The following NUSAP1 variants were observed in gnomAD, a reference collection of about 807,000 sequenced individuals.
NUSAP1 encodes nucleolar and spindle-associated protein 1.
A neutral mutation model predicts 52.8 loss-of-function variants in NUSAP1; 32 were observed. The ratio of observed to expected loss-of-function variants is 0.61; its 90% CI spans 0.46 to 0.81. The LOEUF is 0.81. Ranked by LOEUF, NUSAP1 falls within the 40% of genes least tolerant of loss-of-function variation. The pLI is 0.00. For missense variants in NUSAP1, 499 were observed against 522.3 expected (o/e 0.96, Z 0.43); for synonymous variants, 195 against 183.1 (o/e 1.06, Z -0.52).
chr15:41,358,733 CA>C (rs916998235), intron 6 of NUSAP1, among the ~76,000 whole-genome samples: 1 of 150,240 alleles, frequency 6.7e-6, no homozygotes, highest in Non-Finnish European at 1.5e-5. Context: ...GACTCCGTCT[CA>C]AAAAAAAAGA....
chr15:41,372,966 T>G (rs1277660595), intron 8 of NUSAP1, among the ~76,000 whole-genome samples: 1 of 151,622 alleles, frequency 6.6e-6, no homozygotes, highest in Non-Finnish European at 1.5e-5. Flanking sequence ...CATGCACCTA[T>G]CATCCCAACT....
At chr15:41,379,958 C>T (rs912687393) in intron 10 of NUSAP1, 135 bp from the exon 11 acceptor site, 3 of 613,438 alleles carry the variant, frequency 4.9e-6, no homozygotes, top group Admixed American at 6.1e-5. Context: ...AGCACAGTGC[C>T]CTCTAAGAGT....
intron 10 of NUSAP1, 63 bp from the exon 11 acceptor site, chr15:41,380,030 G>C: frequency 8.2e-7 from 1 of 1,217,580 alleles, no homozygotes; most frequent in Admixed American, 2.5e-5. Context: ...TCCAACAATA[G>C]TTGCTTTAAA....
At position 41,336,277 on chromosome 15, in the gene NUSAP1, T is replaced by C. The variant is rs1339926669; in HGVS notation, c.93+3227T>C. 5.3e-5 allele frequency among the ~76,000 whole-genome samples: 8 copies of C among 149,994 alleles called. No homozygotes were observed. In the Admixed American group the frequency reaches 5.3e-4, roughly 10 times the overall value. On this transcript the variant is annotated intron_variant, in intron 1 of 10. Transcript: ENST00000559596. ...GCGAAACTCCGTCTAAAAATAATAA[T>C]AATAATAATAATAATAATAAATATA...
chr15:41,340,589 A>G (rs1236164004), intron 1 of NUSAP1, among the ~76,000 whole-genome samples: 4 of 152,118 alleles, frequency 2.6e-5, no homozygotes, highest in South Asian at 2.1e-4. Flanking sequence ...ACACCACCTC[A>G]TATCATTCAA....
chr15:41,356,018 T>C, intron 4 of NUSAP1, 21 bp from the exon 5 acceptor site: 2 of 1,462,462 alleles, frequency 1.4e-6, no homozygotes, highest in Non-Finnish European at 1.9e-6. Context: ...TCCTTCATTA[T>C]TTCTGTGTCT....
chr15:41,377,364 G>A lies in NUSAP1; in HGVS notation c.1232+60G>A, dbSNP rs1439462666. On this transcript the variant is annotated intron_variant, in intron 10 of 10. Coordinates refer to ENST00000559596, the MANE Select transcript of NUSAP1 (RefSeq NM_016359.5). ...TAATTTCAAAAGCAGCACCTCTGAG[G>A]GATAGGGGCTCAGTAATAGTGGTGT... 18 of 874,862 alleles carry A rather than the reference G, an allele frequency of 2.1e-5. 1 individual carries two copies. In the Admixed American group the frequency reaches 3.1e-4, roughly 15 times the overall value. 54.2% of individuals were successfully genotyped at this position (874,862 alleles called of 1,614,324 possible). A position where few individuals can be genotyped will look rare whatever the true frequency, so the allele number is the denominator to read the frequency against.
chr15:41,338,328 T>A (rs2048245931), intron 1 of NUSAP1, among the ~76,000 whole-genome samples: 1 of 152,112 alleles, frequency 6.6e-6, no homozygotes, highest in Non-Finnish European at 1.5e-5. Flanking sequence ...CTGACTCGTG[T>A]ATTTAAGTGC....
At chr15:41,369,199 T>G (rs1247552404) in intron 7 of NUSAP1, among the ~76,000 whole-genome samples, 3 of 152,146 alleles carry the variant, frequency 2.0e-5, no homozygotes, top group Non-Finnish European at 4.4e-5. Context: ...GTGTGAACCA[T>G]CTCACCCAGC....
chr15:41,351,922 C>T (rs915441122), intron 4 of NUSAP1: 3 of 151,992 alleles, frequency 2.0e-5, no homozygotes, highest in Non-Finnish European at 4.4e-5. Context: ...CACAATTCAA[C>T]CCATAGCACC....
chr15:41,345,028 G>T (rs1223105069), intron 2 of NUSAP1, among the ~76,000 whole-genome samples: 1 of 151,940 alleles, frequency 6.6e-6, no homozygotes, highest in Non-Finnish European at 1.5e-5. Context: ...TTGAGACAGG[G>T]TCTCACTCTA....
At chr15:41,377,701 A>G (rs1194461770) in intron 10 of NUSAP1, among the ~76,000 whole-genome samples, 3 of 146,966 alleles carry the variant, frequency 2.0e-5, no homozygotes, top group African/African-American at 7.6e-5. Flanking sequence ...GCCGTCTCAA[A>G]AAAAAAAAAA....
chr15:41,339,650 T>C (rs2048305936), intron 1 of NUSAP1, among the ~76,000 whole-genome samples: 1 of 152,156 alleles, frequency 6.6e-6, no homozygotes, highest in Non-Finnish European at 1.5e-5. Flanking sequence ...ACTCAGGTGA[T>C]CTGACTGCCT....
intron 9 of NUSAP1, 25 bp from the exon 10 acceptor site, chr15:41,377,171 A>G (rs933472710): frequency 8.3e-7 from 1 of 1,207,166 alleles, no homozygotes; most frequent in Non-Finnish European, 1.2e-6. Context: ...TCTTTTTAAA[A>G]TTCTTTGTCT....
chr15:41,376,699 A>T lies in NUSAP1; in HGVS notation c.1124-497A>T, dbSNP rs527460675. Among the ~76,000 whole-genome samples, 532 of 151,446 alleles carry T rather than the reference A, an allele frequency of 3.5e-3. 5 individuals are homozygous for T. The highest frequency in any genetic ancestry group is 0.012 in the African/African-American group (493 of 41,186). Reference sequence around the variant, plus strand: ...GAACGAGACTCTGTCTAAAAAATTTAAAAAATAATAATAATTAAATTTAAA... The same window carrying T: ...GAACGAGACTCTGTCTAAAAAATTTTAAAAATAATAATAATTAAATTTAAA... On this transcript the variant is annotated intron_variant, in intron 9 of 10. Transcript: ENST00000559596.
chr15:41,380,924 A>C lies in NUSAP1; in HGVS notation c.*738A>C, dbSNP rs554880388. ...TCAAACTCCACCAAATGTACTTCTT[A>C]TTCATTTTATGGAAAAGACTAGGCT... On this transcript the variant is annotated 3_prime_UTR_variant, in exon 11 of 11. Transcript: ENST00000559596. 6.6e-6 allele frequency: 1 copy of C among 152,178 alleles called. No homozygotes were observed. Among genetic ancestry groups the C allele is most frequent in the Non-Finnish European group, 1.5e-5 (1 of 68,032 alleles). 9.4% of individuals were successfully genotyped at this position (152,178 alleles called of 1,614,324 possible).
At chr15:41,358,379 A>G (rs769379053) in intron 6 of NUSAP1, 121 bp downstream of exon 6, 16 of 587,524 alleles carry the variant, frequency 2.7e-5, no homozygotes, top group Admixed American at 1.4e-4. Flanking sequence ...TTTGAATTTA[A>G]TATATCTTTA....
At chr15:41,344,416 A>G (rs991227663) in intron 2 of NUSAP1, among the ~76,000 whole-genome samples, 7 of 151,654 alleles carry the variant, frequency 4.6e-5, no homozygotes, top group African/African-American at 1.7e-4. Flanking sequence ...AGGCGGGTGG[A>G]TTATGAGGTC....
intron 6 of NUSAP1, among the ~76,000 whole-genome samples, chr15:41,363,374 A>G (rs1338465970): frequency 6.7e-6 from 1 of 149,946 alleles, no homozygotes; most frequent in African/African-American, 2.5e-5. Flanking sequence ...AAAATTATAT[A>G]CATATATATA....
Sources: gnomAD v4.1 joint callset for allele counts (sites outside exome capture counted in the v4.1 genomes callset) on GRCh38, gnomAD v4.1.1 for gene constraint, MANE v1.5 for transcripts, NCBI Gene and HGNC (gene_info 2026-07-23, HGNC 2026-07-21) for gene names.